Variants in ARHGEF12 observed in about 807,000 individuals in gnomAD.
ARHGEF12 encodes the protein KMT2A/ARHGEF12 fusion protein.
Under a neutral mutation model 211.2 loss-of-function variants are expected in ARHGEF12, and 66 were observed. The ratio of observed to expected loss-of-function variants is 0.31; its 90% confidence interval spans 0.26 to 0.38. The LOEUF (loss-of-function observed/expected upper bound fraction) is 0.38, where lower values mean the gene tolerates loss of function less well. ARHGEF12 is among the 10% of genes least tolerant of loss of function. ARHGEF12 has a pLI of 1.00. For synonymous variants in ARHGEF12, 592 were observed against 638.4 expected (o/e 0.93, Z 1.09); for missense variants, 1,429 against 1,869.5 (o/e 0.76, Z 4.34).
At chr11:120,424,805 G>A (rs1945290314) in intron 7 of ARHGEF12, among the ~76,000 whole-genome samples, 1 of 152,164 alleles carries the variant, frequency 6.6e-6, no homozygotes, top group African/African-American at 2.4e-5. Flanking sequence ...TGAAAGAAAT[G>A]CATGAGTCAC....
At chr11:120,424,502 A>G in intron 7 of ARHGEF12, 87 bp downstream of exon 7, 1 of 1,092,688 alleles carries the variant, frequency 9.2e-7, no homozygotes, top group South Asian at 1.3e-5. Flanking sequence ...GCCAAATAGT[A>G]AATATTTAGG....
intron 21 of ARHGEF12, 83 bp from the exon 22 acceptor site, chr11:120,451,429 G>A: frequency 7.7e-7 from 1 of 1,298,150 alleles, no homozygotes; most frequent in African/African-American, 1.5e-5. Context: ...CGCCCACCTT[G>A]GCCTCCCAAA....
intron 1 of ARHGEF12, among the ~76,000 whole-genome samples, chr11:120,368,186 TC>T (rs1943483312): frequency 6.6e-6 from 1 of 151,544 alleles, no homozygotes; most frequent in Admixed American, 6.6e-5. Flanking sequence ...CAAGCAATCC[TC>T]CCGCCTCATT....
At chr11:120,398,498 C>T (rs947329496) in intron 1 of ARHGEF12, among the ~76,000 whole-genome samples, 12 of 152,158 alleles carry the variant, frequency 7.9e-5, no homozygotes, top group Admixed American at 7.9e-4. Context: ...ATCTTTTCCT[C>T]ATAAAATCAG....
intron 11 of ARHGEF12, among the ~76,000 whole-genome samples, chr11:120,433,889 C>A (rs1350667081): frequency 6.6e-6 from 1 of 151,840 alleles, no homozygotes; most frequent in Non-Finnish European, 1.5e-5. Context: ...ACCAGGGAGG[C>A]GGAGGTTGCA....
In ARHGEF12 at chr11:120,446,492, C is replaced by G; in HGVS notation, c.1435C>G (p.His479Asp). ...AAGAGTCCATCCAGAAGTTCAAAGGCACTTAGAAGATTTTCGGTAAGCTTA... is the reference window on the plus strand; with the variant it reads ...AAGAGTCCATCCAGAAGTTCAAAGGGACTTAGAAGATTTTCGGTAAGCTTA... ...QERVHPEVQR[H>D]LEDFRQKRSM... Residue 479 changes from histidine to aspartate, a missense_variant, in exon 17 of 41, where the codon CAC (histidine) becomes GAC (aspartate). Around this residue, in one of 7 missense-constraint regions of ARHGEF12, gnomAD observed 373 missense variants for 467.5 expected, o/e 0.80. Transcript: ENST00000397843. The G allele has an allele frequency of 6.2e-7, 1 of 1,611,976 alleles. No homozygotes were observed. Among genetic ancestry groups the G allele is most frequent in the Non-Finnish European group, 8.5e-7 (1 of 1,179,102 alleles).
chr11:120,420,981 C>A (rs1945167957), intron 5 of ARHGEF12, 130 bp downstream of exon 5: 1 of 747,566 alleles, frequency 1.3e-6, no homozygotes, highest in East Asian at 2.8e-5. Context: ...GTGCTAGATT[C>A]GTCTATCATG....
In ARHGEF12 at chr11:120,458,249, TTTG is replaced by T. The variant is rs549833995; in HGVS notation, c.2380+27_2380+29del. On this transcript the variant is annotated intron_variant, in intron 25 of 40. Coordinates refer to ENST00000397843, the MANE Select transcript of ARHGEF12 (RefSeq NM_015313.3). ...AGTGATTAATGGTGAGTGTAATCAA[TTTG>T]TTGTTGTTGTTTACAAATACTGAGT... is the stretch of plus-strand genomic sequence containing the variant. 6.2e-5 allele frequency: 100 copies of T among 1,612,664 alleles called. No individual in the cohort carries two copies. Among genetic ancestry groups the T allele is most frequent in the Non-Finnish European group, 7.1e-5 (84 of 1,179,390 alleles).
chr11:120,470,540 A>T (rs771956199), intron 30 of ARHGEF12, among the ~76,000 whole-genome samples: 1 of 152,190 alleles, frequency 6.6e-6, no homozygotes, highest in East Asian at 1.9e-4. Flanking sequence ...GCCCACCTCT[A>T]AGAGGACCAT....
intron 4 of ARHGEF12, chr11:120,411,917 G>C (rs1944894933): frequency 1.3e-5 from 2 of 151,970 alleles, no homozygotes; most frequent in Non-Finnish European, 2.9e-5. Context: ...AAAATGCTGG[G>C]ATTAAAGGCA....
At chr11:120,342,854 A>G (rs1369972498) in intron 1 of ARHGEF12, among the ~76,000 whole-genome samples, 5 of 152,228 alleles carry the variant, frequency 3.3e-5, no homozygotes, top group Non-Finnish European at 5.9e-5. Flanking sequence ...GGGTATAGAA[A>G]TAATGTTAGC....
intron 37 of ARHGEF12, 22 bp from the exon 38 acceptor site, chr11:120,479,938 C>T (rs199850176): frequency 2.4e-5 from 38 of 1,582,088 alleles, no homozygotes; most frequent in Non-Finnish European, 3.2e-5. Flanking sequence ...TTTTTTTTCC[C>T]CCTCCTTCCT....
chr11:120,392,589 TA>T (rs748694455), intron 1 of ARHGEF12, among the ~76,000 whole-genome samples: 1 of 152,134 alleles, frequency 6.6e-6, no homozygotes, highest in African/African-American at 2.4e-5. Context: ...CTGGCTCACA[TA>T]AAAAAGAAAT....
chr11:120,462,018 G>A (rs989669137), intron 27 of ARHGEF12, among the ~76,000 whole-genome samples: 2 of 132,970 alleles, frequency 1.5e-5, no homozygotes, highest in Non-Finnish European at 1.7e-5. Context: ...TTGTTCATTT[G>A]TTCATTGGAG....
intron 36 of ARHGEF12, among the ~76,000 whole-genome samples, chr11:120,477,862 C>CAAAAAAAAA (rs528182938): frequency 1.4e-4 from 10 of 69,278 alleles, no homozygotes; most frequent in East Asian, 3.3e-4. Flanking sequence ...ACCGAAACAC[C>CAAAAAAAAA]AAAAAAAAAA....
At chr11:120,389,167 G>A (rs888945033) in intron 1 of ARHGEF12, among the ~76,000 whole-genome samples, 4 of 152,096 alleles carry the variant, frequency 2.6e-5, no homozygotes, top group African/African-American at 7.2e-5. Flanking sequence ...CACCATGCCC[G>A]GCCATAAGTC....
chr11:120,393,707 A>G (rs955238011), intron 1 of ARHGEF12, among the ~76,000 whole-genome samples: 5 of 152,228 alleles, frequency 3.3e-5, no homozygotes, highest in African/African-American at 9.6e-5. Flanking sequence ...AAATAGACAA[A>G]TCTACAAACA....
At chr11:120,461,238 C>A (rs1325495611) in intron 27 of ARHGEF12, among the ~76,000 whole-genome samples, 1 of 152,118 alleles carries the variant, frequency 6.6e-6, no homozygotes, top group Non-Finnish European at 1.5e-5. Context: ...AAATATATTT[C>A]TTAAATAATA....
At chr11:120,475,570 G>C (rs1028561951) in intron 33 of ARHGEF12, 63 bp downstream of exon 33, 2 of 1,531,730 alleles carry the variant, frequency 1.3e-6, no homozygotes, top group African/African-American at 1.4e-5. Flanking sequence ...TAAGATACTC[G>C]GTGCTGTCTC....
Sources: gnomAD v4.1 joint callset for allele counts (sites outside exome capture counted in the v4.1 genomes callset) on GRCh38, gnomAD v4.1.1 for gene constraint, gnomAD v4.1.1 regional missense constraint, MANE v1.5 for transcripts, NCBI Gene and HGNC (gene_info 2026-07-23, HGNC 2026-07-21) for gene names.